The following ZNF385D variants were observed in gnomAD, a reference collection of about 807,000 sequenced individuals.
The protein encoded by ZNF385D is zinc finger protein 385D, also known as zinc finger protein 659.
Under a neutral mutation model 35.8 loss-of-function variants are expected in ZNF385D, and 15 were observed. That is an observed-to-expected ratio of 0.42 (90% CI 0.28 to 0.64). The LOEUF (loss-of-function observed/expected upper bound fraction) is 0.64. Among genes scored for constraint, ZNF385D ranks in the 30% least tolerant of loss-of-function variants. The pLI, the probability that ZNF385D is intolerant of heterozygous loss-of-function variation, is 0.23. For missense variants in ZNF385D, 474 were observed against 494.6 expected (o/e 0.96, Z 0.39); for synonymous variants, 212 against 186.8 (o/e 1.13, Z -1.10).
chr3:21,896,579 C>T (rs867640856), intron 3 of ZNF385D, among the ~76,000 whole-genome samples: 16 of 152,074 alleles, frequency 1.1e-4, no homozygotes, highest in African/African-American at 3.9e-4. Flanking sequence ...GTCCCTCGAA[C>T]CAACAGCTAT....
At chr3:22,197,164 TGC>T (rs1254122757) in intron 2 of ZNF385D, among the ~76,000 whole-genome samples, 4 of 152,046 alleles carry the variant, frequency 2.6e-5, no homozygotes, top group Non-Finnish European at 5.9e-5. Context: ...AGATGTTTGG[TGC>T]AATTTTTGTT....
chr3:21,475,950 T>C (rs868456457), intron 4 of ZNF385D, among the ~76,000 whole-genome samples: 3 of 151,728 alleles, frequency 2.0e-5, no homozygotes, highest in Admixed American at 1.3e-4. Context: ...TGTATCTCTA[T>C]GTATTTTGCA....
intron 3 of ZNF385D, among the ~76,000 whole-genome samples, chr3:22,098,747 A>G (rs1490697235): frequency 6.6e-6 from 1 of 152,104 alleles, no homozygotes; most frequent in African/African-American, 2.4e-5. Flanking sequence ...GATCAAAGAA[A>G]TACACCCCAA....
chr3:21,903,725 G>A (rs1699532863), intron 3 of ZNF385D, among the ~76,000 whole-genome samples: 1 of 151,988 alleles, frequency 6.6e-6, no homozygotes, highest in Non-Finnish European at 1.5e-5. Context: ...CGTCTCTCTG[G>A]CAAAAGCAAT....
chr3:21,686,783 C>T (rs12630615), intron 1 of ZNF385D, among the ~76,000 whole-genome samples: 20,626 of 152,078 alleles, frequency 0.14, 1,620 homozygotes, highest in African/African-American at 0.2. Context: ...TATTTTCATA[C>T]GAAATTGAAA....
chr3:21,875,870 A>G (rs1407517013), intron 3 of ZNF385D, among the ~76,000 whole-genome samples: 1 of 152,096 alleles, frequency 6.6e-6, no homozygotes, highest in Admixed American at 6.6e-5. Flanking sequence ...GTCAGCAAAC[A>G]ATTTCCTACA....
chr3:21,777,407 T>G (rs1288503598), intron 3 of ZNF385D, among the ~76,000 whole-genome samples: 2 of 151,884 alleles, frequency 1.3e-5, no homozygotes, highest in Non-Finnish European at 2.9e-5. Context: ...TGAGAGGAGA[T>G]GGGCAAAGCA....
intron 3 of ZNF385D, among the ~76,000 whole-genome samples, chr3:21,765,204 C>CTG (rs552075719): frequency 0.017 from 2,602 of 150,374 alleles, 76 homozygotes; most frequent in African/African-American, 0.058. Context: ...CACATAAAAT[C>CTG]TGTGTGTGTG....
chr3:21,897,592 G>T (rs2125892257), intron 3 of ZNF385D, among the ~76,000 whole-genome samples: 1 of 152,246 alleles, frequency 6.6e-6, no homozygotes, highest in Non-Finnish European at 1.5e-5. Flanking sequence ...CGATTAAGAT[G>T]AGACAGTGAC....
At chr3:22,178,335 GTGA>G (rs1694976295) in intron 2 of ZNF385D, among the ~76,000 whole-genome samples, 1 of 152,206 alleles carries the variant, frequency 6.6e-6, no homozygotes, top group Non-Finnish European at 1.5e-5. Context: ...CTGATGGCCA[GTGA>G]TGATAAGCAT....
At chr3:21,950,581 T>C (rs1702017659) in intron 3 of ZNF385D, among the ~76,000 whole-genome samples, 1 of 151,838 alleles carries the variant, frequency 6.6e-6, no homozygotes, top group African/African-American at 2.4e-5. Flanking sequence ...TTGGCTTTTG[T>C]TGCCATTGCT....
chr3:22,308,356 T>G (rs1703349749), intron 2 of ZNF385D, among the ~76,000 whole-genome samples: 1 of 152,060 alleles, frequency 6.6e-6, no homozygotes, highest in Non-Finnish European at 1.5e-5. Flanking sequence ...ACAGCCCAAT[T>G]TACCTTTCCA....
chr3:21,977,255 G>A (rs1170857167), intron 3 of ZNF385D, among the ~76,000 whole-genome samples: 1 of 152,054 alleles, frequency 6.6e-6, no homozygotes, highest in South Asian at 2.1e-4. Flanking sequence ...TTTACTTTGT[G>A]GAAATCCATT....
intron 1 of ZNF385D, among the ~76,000 whole-genome samples, chr3:21,674,774 G>C (rs1430047855): frequency 2.0e-5 from 3 of 152,004 alleles, no homozygotes; most frequent in Admixed American, 2.0e-4. Context: ...ACTTGACTTT[G>C]TATCTGTCTC....
intron 2 of ZNF385D, among the ~76,000 whole-genome samples, chr3:22,371,413 A>G (rs1696898890): frequency 1.4e-5 from 1 of 71,728 alleles, no homozygotes; most frequent in South Asian, 5.8e-4. Flanking sequence ...ACAGAATGTC[A>G]GATGTTCTCA....
At chr3:22,077,146 A>T (rs1700503987) in intron 3 of ZNF385D, among the ~76,000 whole-genome samples, 4 of 151,988 alleles carry the variant, frequency 2.6e-5, no homozygotes, top group Admixed American at 2.6e-4. Flanking sequence ...ATGATTATGT[A>T]GCAGAGGTAT....
intron 4 of ZNF385D, among the ~76,000 whole-genome samples, chr3:21,455,583 A>T (rs1702751839): frequency 6.6e-6 from 1 of 152,348 alleles, no homozygotes; most frequent in East Asian, 1.9e-4. Context: ...ACAAAAATTA[A>T]TTCAAGATGG....
chr3:21,870,625 A>C (rs543741002), intron 3 of ZNF385D, among the ~76,000 whole-genome samples: 2 of 152,308 alleles, frequency 1.3e-5, no homozygotes, highest in South Asian at 4.1e-4. Flanking sequence ...CCAATCAGCC[A>C]CGCAAACCTT....
chr3:21,918,929 T>C (rs1700323002), intron 3 of ZNF385D, among the ~76,000 whole-genome samples: 1 of 152,314 alleles, frequency 6.6e-6, no homozygotes, highest in South Asian at 2.1e-4. Context: ...ATGCTTGCCC[T>C]AGATCCCAAC....
Sources: gnomAD v4.1 joint callset for allele counts (sites outside exome capture counted in the v4.1 genomes callset) on GRCh38, gnomAD v4.1.1 for gene constraint, MANE v1.5 for transcripts, NCBI Gene and HGNC (gene_info 2026-07-23, HGNC 2026-07-21) for gene names.